The following NEO1 variants were observed in gnomAD, a reference collection of about 807,000 sequenced individuals.
NEO1 encodes neogenin 1.
In NEO1, 63 loss-of-function variants were observed where a neutral mutation model predicts 159.7. The observed-to-expected ratio is 0.39, with a 90% CI of 0.32 to 0.49. The LOEUF (loss-of-function observed/expected upper bound fraction) is 0.49. Ranked by LOEUF, NEO1 falls within the 20% of genes least tolerant of loss-of-function variation. The pLI, the probability that NEO1 is intolerant of heterozygous loss-of-function variation, is 0.85. For synonymous variants in NEO1, 633 were observed against 662.0 expected (o/e 0.96, Z 0.67); for missense variants, 1,615 against 1,831.0 (o/e 0.88, Z 2.15).
At chr15:73,092,722 C>T (rs1421640640) in intron 1 of NEO1, among the ~76,000 whole-genome samples, 1 of 152,052 alleles carries the variant, frequency 6.6e-6, no homozygotes, top group African/African-American at 2.4e-5. Flanking sequence ...ATAATTATTG[C>T]TTTTTAATAA....
At chr15:73,261,260 A>G (rs2040607636) in intron 15 of NEO1, among the ~76,000 whole-genome samples, 2 of 152,100 alleles carry the variant, frequency 1.3e-5, no homozygotes, top group Admixed American at 6.5e-5. Flanking sequence ...GATTTTGGAA[A>G]CCAATATCTG....
intron 8 of NEO1, among the ~76,000 whole-genome samples, chr15:73,240,250 A>G (rs147567291): frequency 2.6e-5 from 4 of 152,202 alleles, no homozygotes; most frequent in African/African-American, 4.8e-5. Context: ...GTTTTCAATG[A>G]GACACACTTA....
intron 1 of NEO1, among the ~76,000 whole-genome samples, chr15:73,077,407 C>T (rs936492553): frequency 1.3e-5 from 2 of 152,172 alleles, no homozygotes; most frequent in Non-Finnish European, 2.9e-5. Flanking sequence ...TTATGTTCTC[C>T]ACCCTACTCA....
At chr15:73,300,404 A>G (rs937486087) in intron 27 of NEO1, among the ~76,000 whole-genome samples, 1 of 152,208 alleles carries the variant, frequency 6.6e-6, no homozygotes, top group Non-Finnish European at 1.5e-5. Flanking sequence ...CATTCAACTC[A>G]AAACTCAAAA....
intron 5 of NEO1, among the ~76,000 whole-genome samples, chr15:73,146,134 C>A (rs192761473): frequency 5.1e-4 from 77 of 152,306 alleles, no homozygotes; most frequent in Admixed American, 7.2e-4. Context: ...TAATTATGCA[C>A]ATGTATTTTA....
chr15:73,121,144 T>C (rs1385661678), intron 2 of NEO1, among the ~76,000 whole-genome samples: 1 of 152,184 alleles, frequency 6.6e-6, no homozygotes, highest in Non-Finnish European at 1.5e-5. Flanking sequence ...ACAATACTAC[T>C]GTTTAATTTA....
At chr15:73,067,329 G>A (rs1053626588) in intron 1 of NEO1, among the ~76,000 whole-genome samples, 7 of 152,196 alleles carry the variant, frequency 4.6e-5, no homozygotes, top group African/African-American at 1.7e-4. Flanking sequence ...TTTTGCTCCA[G>A]TTGATAGAAC....
chr15:73,116,119 GA>G (rs975008645), intron 1 of NEO1, among the ~76,000 whole-genome samples: 4 of 151,902 alleles, frequency 2.6e-5, no homozygotes, highest in South Asian at 4.2e-4. Flanking sequence ...GTAAATTTAT[GA>G]AAAAAATACA....
At chr15:73,156,903 C>T (rs981797051) in intron 5 of NEO1, among the ~76,000 whole-genome samples, 1 of 152,110 alleles carries the variant, frequency 6.6e-6, no homozygotes, top group Non-Finnish European at 1.5e-5. Context: ...AGTTCTCAGG[C>T]CCCTGGTGAA....
intron 2 of NEO1, among the ~76,000 whole-genome samples, chr15:73,121,624 C>T (rs2071658143): frequency 6.6e-6 from 1 of 152,242 alleles, no homozygotes; most frequent in African/African-American, 2.4e-5. Context: ...ATTGAGGATT[C>T]ATACGTGAAT....
chr15:73,161,966 G>C, intron 5 of NEO1: 1 of 209,476 alleles, frequency 4.8e-6, no homozygotes, highest in South Asian at 7.3e-5. Flanking sequence ...AAGTTTGTTT[G>C]TTTTTTTTTC....
intron 5 of NEO1, among the ~76,000 whole-genome samples, chr15:73,166,868 C>G (rs1312076062): frequency 2.6e-5 from 4 of 151,990 alleles, no homozygotes; most frequent in Admixed American, 2.6e-4. Flanking sequence ...GAAAAACAAC[C>G]CAGGGACATG....
chr15:73,089,533 A>G (rs1032743256), intron 1 of NEO1, among the ~76,000 whole-genome samples: 1 of 152,206 alleles, frequency 6.6e-6, no homozygotes, highest in African/African-American at 2.4e-5. Context: ...ATGCATGGAA[A>G]ATAACAAATG....
chr15:73,282,223 ACT>A (rs1156232717), intron 22 of NEO1, among the ~76,000 whole-genome samples: 1 of 152,030 alleles, frequency 6.6e-6, no homozygotes, highest in Non-Finnish European at 1.5e-5. Context: ...CTACCCAGAC[ACT>A]CTGTATCATA....
At chr15:73,252,678 T>G (rs1267108587) in intron 11 of NEO1, among the ~76,000 whole-genome samples, 1 of 152,168 alleles carries the variant, frequency 6.6e-6, no homozygotes, top group Non-Finnish European at 1.5e-5. Flanking sequence ...GAAAAACCTA[T>G]GGTTGTCTGC....
chr15:73,304,709 C>T lies in NEO1; in HGVS notation c.*2013C>T, dbSNP rs914964859. On this transcript the variant is annotated 3_prime_UTR_variant, in exon 29 of 29. Transcript: ENST00000261908. ...GATTCCCCAGAAACTACCTTTTGCC[C>T]AAAGAACATGCTCAGTATTTGGGGC... 6.6e-6 allele frequency: 1 copy of T among 151,630 alleles called. No homozygotes were observed. The highest frequency in any genetic ancestry group is 2.0e-4 in the East Asian group (1 of 5,126). The allele number at this position is 151,630 out of a possible 1,614,324, so 9.4% of individuals were successfully genotyped here. A position where few individuals can be genotyped will look rare whatever the true frequency, so the allele number is the denominator to read the frequency against.
chr15:73,201,954 CTTTTTTTTTTTT>C (rs1206304409), intron 7 of NEO1, among the ~76,000 whole-genome samples: 2 of 83,456 alleles, frequency 2.4e-5, no homozygotes, highest in African/African-American at 4.9e-5. Context: ...CTATATCATT[CTTTTTTTTTTTT>C]TTTTTTTTTT....
chr15:73,111,964 A>T (rs185632575), intron 1 of NEO1, among the ~76,000 whole-genome samples: 2 of 152,214 alleles, frequency 1.3e-5, no homozygotes, highest in African/African-American at 4.8e-5. Context: ...GATTATACAT[A>T]CAAGATGATT....
intron 7 of NEO1, among the ~76,000 whole-genome samples, chr15:73,216,782 T>G (rs1347196173): frequency 2.0e-5 from 3 of 152,206 alleles, no homozygotes; most frequent in Non-Finnish European, 2.9e-5. Flanking sequence ...ATGGGGTTGT[T>G]TTTTTCTTGT....
Sources: allele counts gnomAD v4.1 joint callset (sites outside exome capture counted in the v4.1 genomes callset), GRCh38; gene constraint gnomAD v4.1.1; transcripts MANE v1.5; gene names NCBI Gene and HGNC (gene_info 2026-07-23, HGNC 2026-07-21).